The following DLAT variants were observed in gnomAD, a reference collection of about 807,000 sequenced individuals.
DLAT encodes dihydrolipoyllysine-residue acetyltransferase component of pyruvate dehydrogenase complex, mitochondrial.
DLAT carries 43 observed loss-of-function variants against 68.0 expected under a neutral mutation model. The observed-to-expected ratio is 0.63, with a 90% CI of 0.50 to 0.81. The LOEUF (loss-of-function observed/expected upper bound fraction) is 0.81. Ranked by LOEUF, DLAT falls within the 40% of genes least tolerant of loss-of-function variation. DLAT has a pLI of 0.00. For synonymous variants in DLAT, 265 were observed against 288.6 expected (o/e 0.92, Z 0.83); for missense variants, 745 against 815.4 (o/e 0.91, Z 1.05).
intron 7 of DLAT, among the ~76,000 whole-genome samples, chr11:112,040,243 T>C (rs1555180925): frequency 2.0e-5 from 3 of 152,198 alleles, no homozygotes; most frequent in Non-Finnish European, 1.5e-5. Context: ...GGGGAAGTTA[T>C]TATGCTTGGA....
intron 7 of DLAT, among the ~76,000 whole-genome samples, 196 bp from the exon 8 acceptor site, chr11:112,043,270 G>A (rs1555181119): frequency 6.6e-6 from 1 of 152,230 alleles, no homozygotes; most frequent in African/African-American, 2.4e-5. Flanking sequence ...CTGGTACTCT[G>A]TGTGGATTAA....
chr11:112,026,159 T>C (rs1555179224), intron 1 of DLAT, 39 bp from the exon 2 acceptor site: 3 of 1,441,426 alleles, frequency 2.1e-6, no homozygotes, highest in Non-Finnish European at 2.9e-6. Context: ...AGTTAGGTAG[T>C]CCTTAAAAAT....
chr11:112,060,913 A>C, intron 12 of DLAT, 125 bp from the exon 13 acceptor site: 404 of 671,956 alleles, frequency 6.0e-4, no homozygotes, highest in Non-Finnish European at 8.2e-4. Flanking sequence ...AGTAATGTGT[A>C]TTCCATTCAG....
intron 1 of DLAT, 38 bp from the exon 2 acceptor site, chr11:112,026,160 C>A (rs782308120): frequency 2.1e-6 from 3 of 1,457,816 alleles, no homozygotes; most frequent in South Asian, 1.2e-5. Flanking sequence ...GTTAGGTAGT[C>A]CTTAAAAATT....
chr11:112,059,320 A>T (rs1243077691), intron 11 of DLAT, among the ~76,000 whole-genome samples: 1 of 151,708 alleles, frequency 6.6e-6, no homozygotes, highest in African/African-American at 2.4e-5. Context: ...ATATGTGCGA[A>T]ACCAACCTAC....
At chr11:112,030,045 C>T (rs1862310927) in intron 4 of DLAT, 1 of 978,228 alleles carries the variant, frequency 1.0e-6, no homozygotes. Flanking sequence ...GGAAAGCAGG[C>T]CTGGAGCTGA....
chr11:112,028,773 C>T lies in DLAT; in HGVS notation c.507-19C>T. 6.2e-7 allele frequency: 1 copy of T among 1,614,132 alleles called. No homozygotes were observed. The highest frequency in any genetic ancestry group is 1.3e-5 in the African/African-American group (1 of 75,032). ...GCTGAATCTGCCCATTATATTTATG[C>T]ATTCTTTCTCTTCCTTAGGCCTGAG... On this transcript the variant is annotated intron_variant, in intron 3 of 13. Transcript: ENST00000280346.
chr11:112,031,657 C>T (rs1862400864), intron 4 of DLAT, among the ~76,000 whole-genome samples: 1 of 151,974 alleles, frequency 6.6e-6, no homozygotes, highest in South Asian at 2.1e-4. Flanking sequence ...TCACTGTAGC[C>T]TTGACCTCCT....
At chr11:112,059,019 G>C (rs1168766879) in intron 11 of DLAT, among the ~76,000 whole-genome samples, 3 of 151,452 alleles carry the variant, frequency 2.0e-5, no homozygotes, top group Non-Finnish European at 2.9e-5. Context: ...AAAAGATTGG[G>C]ACTCCTTGAT....
rs781937528 is a variant in DLAT at position 112,025,678 on chromosome 11, C to T, written c.206C>T (p.Pro69Leu). Residue 69 changes from proline to leucine, a missense_variant, in exon 1 of 14, where the codon CCG (proline) becomes CTG (leucine). Pro to Leu is a moderately conservative substitution (Grantham distance 98). Transcript: ENST00000280346. ...TGGACCCCCAGTTCTGGGGCCACGC[C>T]GCGGAACCGCTTACTGCTGCAGCTT... ...CGWTPSSGAT[P>L]RNRLLLQLLG... 7.4e-6 allele frequency: 12 copies of T among 1,613,062 alleles called. No individual in the cohort carries two copies. Among genetic ancestry groups the T allele is most frequent in the Non-Finnish European group, 1.0e-5 (12 of 1,179,984 alleles).
intron 4 of DLAT, chr11:112,030,103 T>A: frequency 1.3e-6 from 1 of 785,292 alleles, no homozygotes; most frequent in Admixed American, 1.8e-5. Context: ...TGGTAAATAC[T>A]GGCGACTCCA....
Position 112,059,990 on chromosome 11 carries a change from G to A in DLAT, c.1602G>A (p.Val534=), listed in dbSNP as rs1864454937. ...PIVFNAHIKG[V]ETIANDVVSL... ...TGTTTAATGCACATATAAAAGGAGT[G>A]GAAACCATTGCTAATGATGTTGTTT... The change falls in exon 12 of 14, where the codon GTG becomes GTA. Residue 534 remains valine (V), a synonymous_variant. Transcript: ENST00000280346. The A allele has an allele frequency of 6.2e-7, 1 of 1,613,818 alleles. No individual in the cohort carries two copies. Among genetic ancestry groups the A allele is most frequent in the African/African-American group, 1.3e-5 (1 of 74,856 alleles).
intron 6 of DLAT, among the ~76,000 whole-genome samples, chr11:112,038,534 C>T (rs1201557499): frequency 6.6e-6 from 1 of 151,328 alleles, no homozygotes; most frequent in Non-Finnish European, 1.5e-5. Flanking sequence ...TGGGGCCTTA[C>T]AGCATAATTT....
At chr11:112,043,947 T>C (rs111358111) in intron 8 of DLAT, among the ~76,000 whole-genome samples, 1 of 152,298 alleles carries the variant, frequency 6.6e-6, no homozygotes, top group Non-Finnish European at 1.5e-5. Context: ...TTCTGGAATA[T>C]TTTTGATTTG....
At chr11:112,041,698 G>A (rs768341437) in intron 7 of DLAT, among the ~76,000 whole-genome samples, 4 of 152,084 alleles carry the variant, frequency 2.6e-5, no homozygotes, top group Non-Finnish European at 4.4e-5. Context: ...TGGCTAACAC[G>A]GTGAAACCTC....
intron 5 of DLAT, among the ~76,000 whole-genome samples, chr11:112,034,860 G>A (rs1252929121): frequency 6.9e-6 from 1 of 144,272 alleles, no homozygotes; most frequent in Non-Finnish European, 1.5e-5. Context: ...TGCAGCCTCC[G>A]CCTCCTGGGT....
At position 112,025,449 on chromosome 11, in the gene DLAT, G is replaced by A; in HGVS notation, c.-24G>A. On this transcript the variant is annotated 5_prime_UTR_variant, in exon 1 of 14. Transcript: ENST00000280346. ...TCACTCCGGAGACGGCGTTGGTTTT[G>A]GGGTGTGGGGGGTTGGTGGCACTAT... The A allele has an allele frequency of 1.2e-6, 2 of 1,606,076 alleles. No homozygotes were observed. The highest frequency in any genetic ancestry group is 8.5e-7 in the Non-Finnish European group (1 of 1,177,932).
At chr11:112,028,384 A>C in intron 2 of DLAT, 131 bp from the exon 3 acceptor site, 1 of 1,061,768 alleles carries the variant, frequency 9.4e-7, no homozygotes, top group Non-Finnish European at 1.4e-6. Flanking sequence ...GCACCACTGC[A>C]CTCCAGCCTT....
In DLAT at chr11:112,033,614, A is replaced by G. The variant is rs920923503; in HGVS notation, c.787+84A>G. On this transcript the variant is annotated intron_variant, in intron 5 of 13. Transcript: ENST00000280346. ...TTGCCATTCTTTCCTATAATGAGTG[A>G]GTGATAATATGAAAACTTTATAATT... 1.8e-5 allele frequency: 27 copies of G among 1,483,756 alleles called. No homozygotes were observed. The Admixed American group carries it at 4.9e-4, about 27-fold the overall frequency. The allele number at this position is 1,483,756 out of a possible 1,614,324, so 91.9% of individuals were successfully genotyped here.
Sources: allele counts gnomAD v4.1 joint callset (sites outside exome capture counted in the v4.1 genomes callset), GRCh38; gene constraint gnomAD v4.1.1; transcripts MANE v1.5; gene names NCBI Gene and HGNC (gene_info 2026-07-23, HGNC 2026-07-21).